Variants in CFHR4 observed in about 807,000 individuals in gnomAD.
CFHR4 encodes the protein complement factor H-related protein 4.
A neutral mutation model predicts 69.3 loss-of-function variants in CFHR4; 64 were observed. The observed-to-expected ratio is 0.92, with a 90% confidence interval of 0.76 to 1.14. The LOEUF is 1.14. Among genes scored for constraint, CFHR4 ranks in the 50% most tolerant of loss-of-function variants. The probability of loss-of-function intolerance (pLI) is 0.00; values close to 1 mark genes in which losing one functional copy is unlikely to be tolerated. For missense variants in CFHR4, 636 were observed against 684.9 expected (o/e 0.93, Z 0.80); for synonymous variants, 244 against 237.0 (o/e 1.03, Z -0.27).
rs938038479 is a variant in CFHR4 at position 196,897,840 on chromosome 1, C to T, written c.59-4578C>T. ...TGGACAGGAAAACAGACATGCCTGT[C>T]CTCATTTAGGGTCGGGGTGGGGCCT... On this transcript the variant is annotated intron_variant, in intron 1 of 9. Coordinates refer to ENST00000608469, the MANE Select transcript of CFHR4 (RefSeq NM_001201550.3). 2.0e-5 allele frequency among the ~76,000 whole-genome samples: 3 copies of T among 151,296 alleles called. 1 individual carries two copies. Among genetic ancestry groups the T allele is most frequent in the African/African-American group, 7.3e-5 (3 of 40,966 alleles).
intron 1 of CFHR4, among the ~76,000 whole-genome samples, chr1:196,895,664 AT>A (rs1219024078): frequency 2.7e-5 from 4 of 150,660 alleles, no homozygotes; most frequent in Admixed American, 1.3e-4. Flanking sequence ...ATCATACATC[AT>A]TTTCTTTCTT....
chr1:196,897,537 G>T (rs1388417708), intron 1 of CFHR4, among the ~76,000 whole-genome samples: 1 of 151,410 alleles, frequency 6.6e-6, no homozygotes, highest in Admixed American at 6.6e-5. Context: ...TTTATTGAGT[G>T]ATGGCGGTGG....
At chr1:196,894,778 A>G (rs923824842) in intron 1 of CFHR4, among the ~76,000 whole-genome samples, 7 of 151,278 alleles carry the variant, frequency 4.6e-5, no homozygotes, top group Non-Finnish European at 7.4e-5. Context: ...ATGACCAAGT[A>G]TAGTGGCTCA....
chr1:196,895,044 A>C (rs1657219476), intron 1 of CFHR4, among the ~76,000 whole-genome samples: 1 of 151,378 alleles, frequency 6.6e-6, no homozygotes, highest in Admixed American at 6.6e-5. Context: ...TGGGTGCCAG[A>C]GCATGACCCT....
intron 1 of CFHR4, among the ~76,000 whole-genome samples, chr1:196,891,372 G>A (rs543325931): frequency 3.3e-5 from 5 of 151,688 alleles, no homozygotes; most frequent in South Asian, 2.1e-4. Context: ...GAGCAGGGAT[G>A]GTTAGATTTT....
intron 1 of CFHR4, among the ~76,000 whole-genome samples, chr1:196,901,862 T>G (rs1465708289): frequency 2.6e-5 from 4 of 151,528 alleles, no homozygotes; most frequent in Non-Finnish European, 5.9e-5. Flanking sequence ...GAAATATTCC[T>G]AGTTCATTTT....
At chr1:196,901,518 G>T (rs1657603340) in intron 1 of CFHR4, among the ~76,000 whole-genome samples, 1 of 151,226 alleles carries the variant, frequency 6.6e-6, no homozygotes, top group African/African-American at 2.4e-5. Flanking sequence ...TGGTGCATAT[G>T]TTGGAATTTT....
Position 196,917,847 on chromosome 1 carries a change from G to A in CFHR4, c.1541-363G>A, listed in dbSNP as rs1311438231. Reference sequence around the variant, plus strand: ...GCTTGTAGTCACGGCTTGTCAAATGGGGGAAAGGAGGATAAGTAACCATGA... The same window carrying A: ...GCTTGTAGTCACGGCTTGTCAAATGAGGGAAAGGAGGATAAGTAACCATGA... On this transcript the variant is annotated intron_variant, in intron 9 of 9. Transcript: ENST00000608469. Among the ~76,000 whole-genome samples, 203 of 144,852 alleles carry A rather than the reference G, an allele frequency of 1.4e-3. 7 individuals are homozygous for A. The highest frequency in any genetic ancestry group is 4.4e-3 in the African/African-American group (170 of 38,292).
At chr1:196,913,942 G>C (rs1658427217) in intron 7 of CFHR4, among the ~76,000 whole-genome samples, 1 of 151,222 alleles carries the variant, frequency 6.6e-6, no homozygotes, top group African/African-American at 2.4e-5. Context: ...CTTATCATGG[G>C]CTCTGTGTAA....
At chr1:196,915,931 G>A (rs143463272) in intron 9 of CFHR4, among the ~76,000 whole-genome samples, 9 of 151,392 alleles carry the variant, frequency 5.9e-5, no homozygotes, top group East Asian at 5.8e-4. Context: ...AAATTTTTCC[G>A]GATAGAATAC....
At chr1:196,910,555 A>G in intron 6 of CFHR4, 77 bp downstream of exon 6, 3 of 1,196,578 alleles carry the variant, frequency 2.5e-6, no homozygotes, top group South Asian at 1.4e-5. Context: ...AAATGATTAC[A>G]TTGTCTTATA....
intron 9 of CFHR4, among the ~76,000 whole-genome samples, chr1:196,916,941 T>G (rs532025322): frequency 6.6e-6 from 1 of 151,502 alleles, no homozygotes; most frequent in Non-Finnish European, 1.5e-5. Context: ...TATGGCATAT[T>G]AAAGCAATGA....
intron 1 of CFHR4, among the ~76,000 whole-genome samples, chr1:196,892,345 A>G (rs1168966949): frequency 6.6e-6 from 1 of 151,578 alleles, no homozygotes; most frequent in African/African-American, 2.4e-5. Context: ...TGGTTGCTGT[A>G]ATCCCAGAAG....
chr1:196,892,248 C>A (rs981075979), intron 1 of CFHR4, among the ~76,000 whole-genome samples: 1 of 151,050 alleles, frequency 6.6e-6, no homozygotes, highest in Admixed American at 6.6e-5. Context: ...TTAAGTGGAG[C>A]AATAAAATGA....
rs1441853027 is a variant in CFHR4, at chr1:196,915,156, T to C, written c.1540+18T>C. 5 of 1,602,442 alleles carry C rather than the reference T, an allele frequency of 3.1e-6. No individual in the cohort carries two copies. Among genetic ancestry groups the C allele is most frequent in the Middle Eastern group, 1.7e-4 (1 of 6,052 alleles). On this transcript the variant is annotated intron_variant, in intron 9 of 9. Coordinates refer to ENST00000608469, the MANE Select transcript of CFHR4 (RefSeq NM_001201550.3). ...ATGCATACGTAAGTTCTTAAAATTC[T>C]AGATCCTGAGAAAATCAGAGTAATA...
chr1:196,906,947 T>C lies in CFHR4; in HGVS notation c.526T>C (p.Cys176Arg). The change falls in exon 4 of 10, where the codon TGC (cysteine) becomes CGC (arginine). Residue 176 changes from cysteine (C) to arginine (R), a missense_variant. Cys to Arg is a radical substitution (Grantham distance 180). Around this residue, in one of 3 missense-constraint regions of CFHR4, gnomAD observed 529 missense variants for 533.2 expected, o/e 0.99. Transcript: ENST00000608469. ...GCTCCATGACACATTGGACTATGAA[T>C]GCTATGATGGATATGAAAGCAGTTA... is the stretch of plus-strand genomic sequence containing the variant. The part of the protein sequence containing the change: ...FKLHDTLDYE[C>R]YDGYESSYGN... 2 of 1,612,644 alleles carry C rather than the reference T, an allele frequency of 1.2e-6. No individual in the cohort carries two copies.
intron 1 of CFHR4, among the ~76,000 whole-genome samples, chr1:196,897,028 A>G (rs1657337088): frequency 6.6e-6 from 1 of 151,536 alleles, no homozygotes; most frequent in Non-Finnish European, 1.5e-5. Flanking sequence ...CATAAACACT[A>G]CTAGCTCCCT....
At chr1:196,908,637 A>G (rs1291135631) in intron 5 of CFHR4, among the ~76,000 whole-genome samples, 1 of 151,500 alleles carries the variant, frequency 6.6e-6, no homozygotes, top group African/African-American at 2.4e-5. Flanking sequence ...TTCAAAAAAT[A>G]TGAGCCAAAA....
At chr1:196,910,171 GAA>G (rs371367197) in intron 5 of CFHR4, 108 bp from the exon 6 acceptor site, 5 of 488,536 alleles carry the variant, frequency 1.0e-5, no homozygotes, top group African/African-American at 4.6e-5. Flanking sequence ...AAAAAGTAAA[GAA>G]AAAAAAAAAC....
Sources: gnomAD v4.1 joint callset for allele counts (sites outside exome capture counted in the v4.1 genomes callset) on GRCh38, gnomAD v4.1.1 for gene constraint, gnomAD v4.1.1 regional missense constraint, MANE v1.5 for transcripts, NCBI Gene and HGNC (gene_info 2026-07-23, HGNC 2026-07-21) for gene names.